NBN: variants seen among roughly 807,000 people sequenced by gnomAD.
NBN encodes nibrin, also known as Nijmegen breakage syndrome 1 (nibrin).
In NBN, 88 loss-of-function variants were observed where a neutral mutation model predicts 90.8. The ratio of observed to expected loss-of-function variants is 0.97; its 90% CI spans 0.82 to 1.16. The LOEUF (loss-of-function observed/expected upper bound fraction) is 1.16. Ranked by LOEUF, NBN falls within the 50% of genes most tolerant of loss-of-function variation. NBN has a pLI of 0.00. For missense variants in NBN, 894 were observed against 869.6 expected (o/e 1.03, Z -0.35); for synonymous variants, 328 against 295.1 (o/e 1.11, Z -1.14).
intron 15 of NBN, chr8:89,936,242 A>AATTTTTGT (rs1187043460): frequency 1.8e-5 from 4 of 216,486 alleles, no homozygotes; most frequent in Non-Finnish European, 3.8e-5. Context: ...ACGCCTGGCT[A>AATTTTTGT]ATTTTTGTAT....
chr8:89,951,030 T>C (rs943199667), intron 11 of NBN, among the ~76,000 whole-genome samples: 1 of 151,608 alleles, frequency 6.6e-6, no homozygotes, highest in Non-Finnish European at 1.5e-5. Flanking sequence ...GGAAAAAAAG[T>C]GGGGTGGGGG....
Position 89,935,080 on chromosome 8 carries a change from T to C in NBN, c.*502A>G, listed in dbSNP as rs1475283425. The C allele has an allele frequency of 4.3e-6, 1 of 234,350 alleles. No homozygotes were observed. Among genetic ancestry groups the C allele is most frequent in the Middle Eastern group, 1.3e-3 (1 of 776 alleles). The allele number at this position is 234,350 out of a possible 1,614,324, so 14.5% of individuals were successfully genotyped here. On this transcript the variant is annotated 3_prime_UTR_variant, in exon 16 of 16. Coordinates refer to ENST00000265433, the MANE Select transcript of NBN (RefSeq NM_002485.5). The stretch of plus-strand genomic sequence containing the variant: ...AAAAGAAAAAATATTAAAAACATTA[T>C]ATTGATATTCCTATAATTTTTAATC...
At chr8:89,961,099 T>C (rs1372259128) in intron 8 of NBN, among the ~76,000 whole-genome samples, 4 of 152,214 alleles carry the variant, frequency 2.6e-5, no homozygotes, top group Non-Finnish European at 4.4e-5. Context: ...AACCAAATTT[T>C]AGAACTGGCT....
chr8:89,954,528 A>G (rs1376098098), intron 10 of NBN, among the ~76,000 whole-genome samples: 4 of 151,580 alleles, frequency 2.6e-5, no homozygotes. Context: ...AACATAAGCT[A>G]TTTTACTAAA....
At chr8:89,938,180 T>C (rs1809776517) in intron 14 of NBN, among the ~76,000 whole-genome samples, 1 of 152,208 alleles carries the variant, frequency 6.6e-6, no homozygotes, top group African/African-American at 2.4e-5. Flanking sequence ...CTATCCTCTC[T>C]AAAAGACCAG....
Position 89,953,602 on chromosome 8 carries a change from G to A in NBN, c.1487C>T (p.Ala496Val), listed in dbSNP as rs1586054406. 1 of 1,613,268 alleles carries A rather than the reference G, an allele frequency of 6.2e-7. No homozygotes were observed. The highest frequency in any genetic ancestry group is 1.1e-5 in the South Asian group (1 of 91,062). The change falls in exon 11 of 16, where the codon GCT becomes GTT. Residue 496 changes from alanine to valine, a missense_variant. Ala to Val is a moderately conservative substitution (Grantham distance 64). Transcript: ENST00000265433. ...SCSLLEQTQP[A>V]TPSLWKNKEQ... ...CTTATTTTTCCACAATGAGGGTGTA[G>A]CAGGTTGTGTTTGTTCTAAAAGAGA... is the stretch of plus-strand genomic sequence containing the variant.
chr8:89,978,984 TTTTTTA>T (rs1303707202), intron 4 of NBN, among the ~76,000 whole-genome samples: 1 of 152,194 alleles, frequency 6.6e-6, no homozygotes, highest in Non-Finnish European at 1.5e-5. Context: ...ATAAATATGC[TTTTTTA>T]TTTTTGAGAC....
At chr8:89,963,022 T>C (rs1469608479) in intron 8 of NBN, among the ~76,000 whole-genome samples, 2 of 152,200 alleles carry the variant, frequency 1.3e-5, no homozygotes, top group Non-Finnish European at 2.9e-5. Context: ...CTACGAAAAG[T>C]AGATGATGCT....
At position 89,972,425 on chromosome 8, in the gene NBN, C is replaced by A. The variant is rs549754366; in HGVS notation, c.585-1135G>T. 9.8e-5 allele frequency among the ~76,000 whole-genome samples: 15 copies of A among 152,336 alleles called. No individual in the cohort carries two copies. In the South Asian group the frequency reaches 3.1e-3, roughly 32 times the overall value. ...GCAAGAGCAGACTCACTTGGCAGGA[C>A]AGAATGCAGGCAACTGCGTTAGTTA... On this transcript the variant is annotated intron_variant, in intron 5 of 15. Coordinates refer to ENST00000265433, the MANE Select transcript of NBN (RefSeq NM_002485.5).
intron 4 of NBN, among the ~76,000 whole-genome samples, chr8:89,978,696 A>G (rs1441093212): frequency 2.0e-5 from 3 of 152,250 alleles, no homozygotes; most frequent in African/African-American, 2.4e-5. Flanking sequence ...GAAATGTAAC[A>G]TATCTGCTTC....
Position 89,982,772 on chromosome 8 carries a change from T to A in NBN, c.121A>T (p.Ile41Phe), listed in dbSNP as rs1563584220. Residue 41 changes from isoleucine to phenylalanine, a missense_variant, in exon 2 of 16, where the codon ATC becomes TTC. Ile to Phe is a conservative substitution (Grantham distance 21). Transcript: ENST00000265433. ...CAILIENDQS[I>F]SRNHAVLTAN... ...GTTAACACAGCATGATTTCGGCTGA[T>A]CGACTGATCATTTTCAATCAGAATG... 1.2e-6 allele frequency: 2 copies of A among 1,614,030 alleles called. No individual in the cohort carries two copies. The highest frequency in any genetic ancestry group is 1.7e-6 in the Non-Finnish European group (2 of 1,179,942).
At chr8:89,973,920 T>C (rs1811628506) in intron 5 of NBN, among the ~76,000 whole-genome samples, 1 of 152,164 alleles carries the variant, frequency 6.6e-6, no homozygotes, top group African/African-American at 2.4e-5. Flanking sequence ...TACAAATAAT[T>C]ATGTTTTATT....
Position 89,980,860 on chromosome 8 carries a change from AG to A in NBN, c.353del (p.Ser118PhefsTer3). 1 of 1,612,608 alleles carries A rather than the reference AG, an allele frequency of 6.2e-7. No individual in the cohort carries two copies. Among genetic ancestry groups the A allele is most frequent in the Non-Finnish European group, 8.5e-7 (1 of 1,179,004 alleles). ...IEYEPLVACSSCLDVSGKTAL... is the reference protein window; with the variant it reads ...IEYEPLVACSXCLDVSGKTAL... ...CAGTTTTCCCAGAGACATCTAAACAAGAAGAGCATGCAACCAAAGGCTCATA... is the reference window on the plus strand; with the variant it reads ...CAGTTTTCCCAGAGACATCTAAACAAAAGAGCATGCAACCAAAGGCTCATA... On this transcript the variant is annotated frameshift_variant, in exon 4 of 16. Coordinates refer to ENST00000265433, the MANE Select transcript of NBN (RefSeq NM_002485.5). LOFTEE classifies it high-confidence loss of function.
chr8:89,957,888 T>C (rs1335180923), intron 9 of NBN, among the ~76,000 whole-genome samples: 2 of 152,156 alleles, frequency 1.3e-5, no homozygotes, highest in Non-Finnish European at 2.9e-5. Context: ...TTTTGGATAA[T>C]TCAAGCATAT....
chr8:89,942,907 G>A (rs1362947837), intron 14 of NBN, among the ~76,000 whole-genome samples: 1 of 152,078 alleles, frequency 6.6e-6, no homozygotes, highest in Non-Finnish European at 1.5e-5. Context: ...ATTTAAAAAG[G>A]CCAGTCCCTT....
intron 14 of NBN, among the ~76,000 whole-genome samples, chr8:89,940,888 T>C (rs1353427217): frequency 6.6e-6 from 1 of 152,172 alleles, no homozygotes; most frequent in East Asian, 1.9e-4. Flanking sequence ...AGTATCTGAT[T>C]TAATCCTCAT....
intron 10 of NBN, among the ~76,000 whole-genome samples, chr8:89,953,944 T>C (rs547095318): frequency 6.6e-6 from 1 of 152,210 alleles, no homozygotes; most frequent in African/African-American, 2.4e-5. Flanking sequence ...TCTGCTTAAG[T>C]TGCATTAGTT....
chr8:89,943,783 C>G (rs963719794), intron 13 of NBN, among the ~76,000 whole-genome samples: 2 of 151,996 alleles, frequency 1.3e-5, no homozygotes, highest in African/African-American at 2.4e-5. Context: ...TCAAAACTTT[C>G]CAGTTCACAG....
At chr8:89,972,617 T>G (rs150930089) in intron 5 of NBN, among the ~76,000 whole-genome samples, 1 of 152,244 alleles carries the variant, frequency 6.6e-6, no homozygotes. Flanking sequence ...TTAATATCTC[T>G]TTGAATCCTT....
Sources: gnomAD v4.1 joint callset for allele counts (sites outside exome capture counted in the v4.1 genomes callset) on GRCh38, gnomAD v4.1.1 for gene constraint, MANE v1.5 for transcripts, NCBI Gene and HGNC (gene_info 2026-07-23, HGNC 2026-07-21) for gene names.